RPL18A: variants seen among roughly 807,000 people sequenced by gnomAD.
RPL18A encodes the protein large ribosomal subunit protein eL20.
For synonymous variants in RPL18A, 122 were observed against 96.9 expected (o/e 1.26, Z -1.52); for missense variants, 163 against 254.1 (o/e 0.64, Z 2.44).
At chr19:17,862,773 C>T in intron 3 of RPL18A, 145 bp from the exon 4 acceptor site, 2 of 761,030 alleles carry the variant, frequency 2.6e-6, no homozygotes, top group Non-Finnish European at 4.8e-6. Context: ...CGCTTCCCCA[C>T]CACCACCTTC....
chr19:17,860,670 G>A (rs1332425142), intron 1 of RPL18A: 1 of 152,802 alleles, frequency 6.5e-6, no homozygotes, highest in African/African-American at 2.4e-5. Flanking sequence ...TTTCAGAGGT[G>A]GTTTCTTTGT....
chr19:17,862,543 C>A, intron 3 of RPL18A: 1 of 700,166 alleles, frequency 1.4e-6, no homozygotes, highest in Non-Finnish European at 2.6e-6. Context: ...GGCACCTTTT[C>A]CCTGGCTCAC....
chr19:17,862,003 G>T, intron 2 of RPL18A, 91 bp from the exon 3 acceptor site: 1 of 1,453,332 alleles, frequency 6.9e-7, no homozygotes, highest in African/African-American at 1.4e-5. Context: ...GGAGCCTGGG[G>T]TGTGCTTTAG....
At chr19:17,862,043 G>C (rs1348919186) in intron 2 of RPL18A, 51 bp from the exon 3 acceptor site, 3 of 1,600,562 alleles carry the variant, frequency 1.9e-6, no homozygotes, top group African/African-American at 2.7e-5. Flanking sequence ...GATGGGGCTA[G>C]GGCACATCGG....
intron 3 of RPL18A, chr19:17,862,584 C>T: frequency 1.4e-6 from 1 of 701,734 alleles, no homozygotes; most frequent in Non-Finnish European, 2.6e-6. Context: ...CCCACACCTC[C>T]CTGATTGCAC....
rs777479305 is a variant in RPL18A, at chr19:17,859,990, C to A, written c.18+16C>A. 455 of 1,515,828 alleles carry A rather than the reference C, an allele frequency of 3.0e-4. No individual in the cohort carries two copies. Among genetic ancestry groups the A allele is most frequent in the Non-Finnish European group, 3.7e-4 (420 of 1,134,136 alleles). The allele number at this position is 1,515,828 out of a possible 1,614,324, so 93.9% of individuals were successfully genotyped here. A position where few individuals can be genotyped will look rare whatever the true frequency, so the allele number is the denominator to read the frequency against. On this transcript the variant is annotated intron_variant, in intron 1 of 4. Transcript: ENST00000222247. ...CTCGGGCACGGTAAGGCGGGCGCGG[C>A]GCGGCAGGGGGCCAAGGGATGGGGC...
intron 3 of RPL18A, 57 bp downstream of exon 3, chr19:17,862,280 A>G: frequency 6.3e-7 from 1 of 1,591,164 alleles, no homozygotes; most frequent in East Asian, 2.2e-5. Flanking sequence ...CCTCACACTG[A>G]GGCAGGGCAA....
intron 3 of RPL18A, 149 bp from the exon 4 acceptor site, chr19:17,862,769 C>G (rs764399332): frequency 2.1e-5 from 16 of 760,376 alleles, no homozygotes; most frequent in Non-Finnish European, 3.8e-5. Flanking sequence ...ATCTCGCTTC[C>G]CCACCACCAC....
At chr19:17,861,523 G>A (rs749115635) in intron 2 of RPL18A, 51 bp downstream of exon 2, 2 of 1,388,800 alleles carry the variant, frequency 1.4e-6, no homozygotes, top group Non-Finnish European at 2.0e-6. Context: ...TGCGCCTCTT[G>A]GGACATCGTG....
intron 1 of RPL18A, chr19:17,860,194 C>T (rs2094274624): frequency 3.9e-6 from 2 of 516,488 alleles, no homozygotes; most frequent in East Asian, 7.1e-5. Context: ...TCGCGGGGGC[C>T]CAAGGACTCC....
In RPL18A at chr19:17,862,034, A is replaced by G. The variant is rs1313053890; in HGVS notation, c.199-60A>G. On this transcript the variant is annotated intron_variant, in intron 2 of 4. Transcript: ENST00000222247. Reference sequence around the variant, plus strand: ...TTTAGAGGCAGAGGGTTCAGTGAGGATGGGGCTAGGGCACATCGGCTTGCT... The same window carrying G: ...TTTAGAGGCAGAGGGTTCAGTGAGGGTGGGGCTAGGGCACATCGGCTTGCT... The G allele has an allele frequency of 2.5e-6, 4 of 1,586,318 alleles. No homozygotes were observed. In the African/African-American group the frequency reaches 4.0e-5, roughly 16 times the overall value.
At position 17,863,143 on chromosome 19, in the gene RPL18A, C is replaced by T. The variant is rs763925879; in HGVS notation, c.439-28C>T. On this transcript the variant is annotated intron_variant, in intron 4 of 4. Transcript: ENST00000222247. ...GATGGGGTGTTAAGAGGCTTCCAAC[C>T]CCCTCAACATGCCTCCCTTCCTCAC... 10 of 1,593,250 alleles carry T rather than the reference C, an allele frequency of 6.3e-6. No homozygotes were observed. The East Asian group carries it at 6.7e-5, about 11-fold the overall frequency.
At position 17,863,123 on chromosome 19, in the gene RPL18A, G is replaced by A. The variant is rs1438292666; in HGVS notation, c.439-48G>A. ...ACACCTTGGTGGCCCCACAGGATGG[G>A]GTGTTAAGAGGCTTCCAACCCCCTC... On this transcript the variant is annotated intron_variant, in intron 4 of 4. Coordinates refer to ENST00000222247, the MANE Select transcript of RPL18A (RefSeq NM_000980.4). 2.6e-6 allele frequency: 4 copies of A among 1,558,318 alleles called. No homozygotes were observed. In the South Asian group the frequency reaches 3.3e-5, roughly 13 times the overall value.
chr19:17,861,657 T>C (rs1599895670), intron 2 of RPL18A, 185 bp downstream of exon 2: 2 of 603,956 alleles, frequency 3.3e-6, no homozygotes, highest in Non-Finnish European at 5.8e-6. Flanking sequence ...GCAGAGCTTA[T>C]GTGCCATTTC....
chr19:17,862,157 A>C lies in RPL18A; in HGVS notation c.262A>C (p.Ser88Arg). 6.2e-7 allele frequency: 1 copy of C among 1,612,924 alleles called. No individual in the cohort carries two copies. Among genetic ancestry groups the C allele is most frequent in the Non-Finnish European group, 8.5e-7 (1 of 1,179,972 alleles). ...FGIWLRYDSR[S>R]GTHNMYREYR... is the part of the protein sequence containing the mutation. ...GATCTGGCTGCGCTATGACTCCCGGAGCGGCACCCACAACATGTACCGGGA... is the reference window on the plus strand; with the variant it reads ...GATCTGGCTGCGCTATGACTCCCGGCGCGGCACCCACAACATGTACCGGGA... Residue 88 changes from serine (S) to arginine (R), a missense_variant, in exon 3 of 5, where the codon AGC becomes CGC. Physicochemically the swap from Ser to Arg is moderately radical, Grantham distance 110. Transcript: ENST00000222247.
chr19:17,861,008 T>C (rs2094276283), intron 1 of RPL18A: 2 of 464,496 alleles, frequency 4.3e-6, no homozygotes, highest in African/African-American at 2.0e-5. Context: ...AGGCTGTGGG[T>C]CTAAGCCACA....
rs2094280336 is a variant in RPL18A, at chr19:17,862,955, C to T, written c.366C>T (p.His122=). The T allele has an allele frequency of 2.5e-6, 4 of 1,612,332 alleles. No homozygotes were observed. The highest frequency in any genetic ancestry group is 3.4e-6 in the Non-Finnish European group (4 of 1,179,762). The change falls in exon 4 of 5, where the codon CAC becomes CAT. Residue 122 remains histidine (H), a synonymous_variant. Coordinates refer to ENST00000222247, the MANE Select transcript of RPL18A (RefSeq NM_000980.4). ...GTGCCCGGCACCGCGCCCGAGCCCA[C>T]TCCATTCAGATCATGAAGGTGGAGG... ...DMGARHRARA[H]SIQIMKVEEI...
chr19:17,862,878 C>G (rs1016540774), intron 3 of RPL18A, 40 bp from the exon 4 acceptor site: 12 of 1,407,132 alleles, frequency 8.5e-6, no homozygotes, highest in Non-Finnish European at 1.2e-5. Context: ...TGCCCAGAGC[C>G]CAGGCAACAC....
Position 17,863,173 on chromosome 19 carries a change from C to T in RPL18A, c.441C>T (p.Asp147=). The change falls in exon 5 of 5, where the codon GAC becomes GAT. Residue 147 remains aspartate, a splice_region_variant and synonymous_variant. Transcript: ENST00000222247. The stretch of plus-strand genomic sequence containing the variant: ...CAACATGCCTCCCTTCCTCACAGGA[C>T]TCCAAGATCAAGTTCCCGCTGCCCC... ...CRRPAVKQFH[D]SKIKFPLPHR... 1 of 1,612,820 alleles carries T rather than the reference C, an allele frequency of 6.2e-7. No homozygotes were observed. Among genetic ancestry groups the T allele is most frequent in the Non-Finnish European group, 8.5e-7 (1 of 1,179,212 alleles).
Sources: gnomAD v4.1 joint callset for allele counts on GRCh38, gnomAD v4.1.1 for gene constraint, MANE v1.5 for transcripts, NCBI Gene and HGNC (gene_info 2026-07-23, HGNC 2026-07-21) for gene names.